ANO7: variants seen among roughly 807,000 people sequenced by gnomAD.
The protein encoded by ANO7 is anoctamin-7.
ANO7 carries 114 observed loss-of-function variants against 115.8 expected under a neutral mutation model. That is an observed-to-expected ratio of 0.98 (90% CI 0.85 to 1.15). The LOEUF is 1.15. Ranked by LOEUF, ANO7 falls within the 50% of genes most tolerant of loss-of-function variation. The pLI, the probability that ANO7 is intolerant of heterozygous loss-of-function variation, is 0.00. For synonymous variants in ANO7, 550 were observed against 498.2 expected (o/e 1.10, Z -1.38); for missense variants, 1,302 against 1,201.2 (o/e 1.08, Z -1.24).
downstream of ANO7, among the ~76,000 whole-genome samples, chr2:241,230,587 C>T (rs1392033216): frequency 6.6e-6 from 1 of 152,266 alleles, no homozygotes; most frequent in African/African-American, 2.4e-5. The surrounding 1 kb of genome is among the most constrained non-coding windows in gnomAD (Gnocchi z 5.0). Flanking sequence ...CAGCCTCACA[C>T]AGGCCGTCGC....
the ANO7 span, among the ~76,000 whole-genome samples, chr2:241,232,386 A>T: frequency 2.0e-5 from 3 of 150,700 alleles, no homozygotes; most frequent in Non-Finnish European, 2.9e-5. Context: ...AGCGATTCTC[A>T]CGTCTCAGTC....
At chr2:241,194,025 G>A (rs943707827) in intron 3 of ANO7, among the ~76,000 whole-genome samples, 1 of 152,140 alleles carries the variant, frequency 6.6e-6, no homozygotes, top group Admixed American at 6.5e-5. Context: ...ACAGGCATGT[G>A]CCACCACGCC....
chr2:241,221,164 C>T (rs2069002947), intron 21 of ANO7, among the ~76,000 whole-genome samples: 1 of 150,450 alleles, frequency 6.6e-6, no homozygotes, highest in Non-Finnish European at 1.5e-5. Flanking sequence ...CAACCTCCGC[C>T]TCCCGGGTTC....
chr2:241,201,403 G>C, intron 7 of ANO7, 48 bp downstream of exon 7: 4 of 1,588,398 alleles, frequency 2.5e-6, no homozygotes, highest in Non-Finnish European at 3.4e-6. Flanking sequence ...ACCTGGCTCT[G>C]AGGATCCTGC....
intron 24 of ANO7, 22 bp downstream of exon 24, chr2:241,223,977 C>A: frequency 6.2e-7 from 1 of 1,613,956 alleles, no homozygotes; most frequent in Non-Finnish European, 8.5e-7. Flanking sequence ...AGCAGCCAGG[C>A]CCCTGCCCCG....
At position 241,210,472 on chromosome 2, in the gene ANO7, C is replaced by G. The variant is rs2068696789; in HGVS notation, c.1463C>G (p.Ser488Cys). 6.2e-7 allele frequency: 1 copy of G among 1,614,082 alleles called. No homozygotes were observed. Among genetic ancestry groups the G allele is most frequent in the African/African-American group, 1.3e-5 (1 of 75,068 alleles). ...SGNTLLAAWASRIASLTGSVV... is the reference protein window; with the variant it reads ...SGNTLLAAWACRIASLTGSVV... The stretch of plus-strand genomic sequence containing the variant: ...TGACGGCCTGTCTCCCGTTAGGCCT[C>G]TCGCATCGCCAGCCTCACGGGGTCT... The change falls in exon 15 of 25, where the codon TCT (serine) becomes TGT (cysteine). Residue 488 changes from serine (S) to cysteine (C), a missense_variant. Physicochemically the swap from Ser to Cys is moderately radical, Grantham distance 112. Coordinates refer to ENST00000674324, the MANE Select transcript of ANO7 (RefSeq NM_001370694.2).
intron 3 of ANO7, among the ~76,000 whole-genome samples, chr2:241,192,256 C>T (rs7557949): frequency 0.062 from 9,392 of 152,158 alleles, 680 homozygotes; most frequent in African/African-American, 0.17. Flanking sequence ...ACCCAAAAGG[C>T]GGAGGTAGCG....
chr2:241,210,907 G>A (rs916649496), intron 15 of ANO7, among the ~76,000 whole-genome samples: 6 of 151,976 alleles, frequency 3.9e-5, no homozygotes, highest in African/African-American at 1.5e-4. Context: ...TGGCCTCAAG[G>A]GATCCTCCTG....
chr2:241,230,716 G>T, downstream of ANO7: 1 of 1,574,358 alleles, frequency 6.4e-7, no homozygotes, highest in Non-Finnish European at 8.7e-7. The surrounding 1 kb of genome is among the most constrained non-coding windows in gnomAD (Gnocchi z 5.0). Context: ...AGGTGCCCCC[G>T]GTGAGAGAGG....
Position 241,223,227 on chromosome 2 carries a change from C to G in ANO7, c.2363C>G (p.Thr788Ser), listed in dbSNP as rs184483001. 29 of 1,614,220 alleles carry G rather than the reference C, an allele frequency of 1.8e-5. No homozygotes were observed. In the East Asian group the frequency reaches 6.5e-4, roughly 36 times the overall value. ...GATGACGATGGACATTATTCCCAGA[C>G]CTACTGGAATCTTCTTGCCATCCGC... The part of the protein sequence containing the change: ...FRDDDGHYSQ[T>S]YWNLLAIRLA... The change falls in exon 22 of 25, where the codon ACC becomes AGC. Residue 788 changes from threonine to serine, a missense_variant. Transcript: ENST00000674324.
rs397869408 is a variant in ANO7 at position 241,197,651 on chromosome 2, C to CTT, written c.310-1648_310-1647dup. On this transcript the variant is annotated intron_variant, in intron 4 of 24. Coordinates refer to ENST00000674324, the MANE Select transcript of ANO7 (RefSeq NM_001370694.2). The stretch of plus-strand genomic sequence containing the variant: ...GCCTTAGCCTCCCAAGTCACCTGCC[C>CTT]TTTTTTTTTTTTTTTTTTAGACAGG... 1.5e-3 allele frequency among the ~76,000 whole-genome samples: 196 copies of CTT among 135,056 alleles called. 1 individual carries two copies. The highest frequency in any genetic ancestry group is 4.3e-3 in the African/African-American group (158 of 36,362). 88.6% of individuals were successfully genotyped at this position (135,056 alleles called of 152,430 possible).
chr2:241,205,313 C>A (rs1322647379), intron 10 of ANO7, among the ~76,000 whole-genome samples: 1 of 148,472 alleles, frequency 6.7e-6, no homozygotes, highest in African/African-American at 2.5e-5. Context: ...CAGGCTGGCA[C>A]CGGTGGATAG....
downstream of ANO7, among the ~76,000 whole-genome samples, chr2:241,226,459 C>CT (rs1330104895): frequency 6.6e-6 from 1 of 151,534 alleles, no homozygotes; most frequent in Non-Finnish European, 1.5e-5. Context: ...GAGTCTCGCT[C>CT]TGTCACCCAG....
intron 3 of ANO7, among the ~76,000 whole-genome samples, chr2:241,194,400 C>T (rs12621642): frequency 0.27 from 40,264 of 150,946 alleles, 5,582 homozygotes; most frequent in East Asian, 0.47. Context: ...CTGCAAGCTC[C>T]GTCTCCTGGG....
At chr2:241,219,686 G>C (rs1292652679) in intron 21 of ANO7, among the ~76,000 whole-genome samples, 2 of 149,444 alleles carry the variant, frequency 1.3e-5, no homozygotes, top group African/African-American at 4.9e-5. Context: ...TCCCACCTCA[G>C]CTTCCCGAGA....
At chr2:241,207,921 G>T (rs753227890) in intron 11 of ANO7, among the ~76,000 whole-genome samples, 1 of 152,164 alleles carries the variant, frequency 6.6e-6, no homozygotes, top group Non-Finnish European at 1.5e-5. Flanking sequence ...CCCCACACCA[G>T]GACTCTAGCT....
At chr2:241,212,317 C>T (rs924868661) in intron 16 of ANO7, 112 bp downstream of exon 16, 38 of 1,157,540 alleles carry the variant, frequency 3.3e-5, no homozygotes, top group East Asian at 2.6e-4. Flanking sequence ...AGGTGGAGGA[C>T]GGAACCGGAG....
chr2:241,205,284 AG>A (rs2068564476), intron 10 of ANO7, among the ~76,000 whole-genome samples: 1 of 150,332 alleles, frequency 6.7e-6, no homozygotes, highest in East Asian at 2.0e-4. Flanking sequence ...CCAGGCTGAC[AG>A]GTAGTCAGGA....
chr2:241,196,194 G>A (rs1443827873), intron 4 of ANO7: 3 of 1,187,140 alleles, frequency 2.5e-6, no homozygotes, highest in Non-Finnish European at 3.1e-6. Flanking sequence ...CTCTCAGTGT[G>A]CTTATAGAAT....
Sources: gnomAD v4.1 joint callset for allele counts (sites outside exome capture counted in the v4.1 genomes callset) on GRCh38, gnomAD v4.1.1 for gene constraint, Gnocchi (gnomAD v3.1) non-coding constraint, MANE v1.5 for transcripts, NCBI Gene and HGNC (gene_info 2026-07-23, HGNC 2026-07-21) for gene names.